The following CDH18 variants were observed in gnomAD, a reference collection of about 807,000 sequenced individuals.
CDH18 encodes the protein cadherin 18, also known as cadherin-18.
A neutral mutation model predicts 67.9 loss-of-function variants in CDH18; 31 were observed. That is an observed-to-expected ratio of 0.46 (90% CI 0.34 to 0.62). CDH18 has a LOEUF of 0.62. Among genes scored for constraint, CDH18 ranks in the 20% least tolerant of loss-of-function variants. The probability of loss-of-function intolerance (pLI) is 0.01; values close to 1 mark genes in which losing one functional copy is unlikely to be tolerated. For synonymous variants in CDH18, 362 were observed against 347.2 expected (o/e 1.04, Z -0.48); for missense variants, 890 against 975.5 (o/e 0.91, Z 1.17).
chr5:19,603,135 C>G (rs1372237187), intron 6 of CDH18, among the ~76,000 whole-genome samples: 1 of 152,074 alleles, frequency 6.6e-6, no homozygotes, highest in Non-Finnish European at 1.5e-5. Flanking sequence ...AACAGAGGAA[C>G]TGATAAAATG....
chr5:20,040,163 C>T (rs114608370), intron 2 of CDH18, among the ~76,000 whole-genome samples: 1,745 of 152,138 alleles, frequency 0.011, 38 homozygotes, highest in African/African-American at 0.04. Context: ...CTGTCTCATG[C>T]TAGTTAGAAT....
intron 5 of CDH18, among the ~76,000 whole-genome samples, chr5:19,692,027 A>T (rs1761955791): frequency 6.6e-6 from 1 of 152,054 alleles, no homozygotes; most frequent in African/African-American, 2.4e-5. Context: ...TGGTATAAAA[A>T]CAGGCACGTA....
chr5:20,200,160 T>C (rs902941303), intron 2 of CDH18, among the ~76,000 whole-genome samples: 1 of 152,186 alleles, frequency 6.6e-6, no homozygotes, highest in Non-Finnish European at 1.5e-5. Context: ...TTGAATTTAG[T>C]TAGGGAAACA....
chr5:19,682,619 GTCTC>G (rs1760497099), intron 5 of CDH18, among the ~76,000 whole-genome samples: 2 of 151,954 alleles, frequency 1.3e-5, no homozygotes, highest in Admixed American at 1.3e-4. Context: ...AGTGTAACTG[GTCTC>G]TCTTTCACTC....
At chr5:19,937,022 A>T (rs1211426677) in intron 2 of CDH18, among the ~76,000 whole-genome samples, 3 of 151,338 alleles carry the variant, frequency 2.0e-5, no homozygotes, top group Non-Finnish European at 4.4e-5. Flanking sequence ...ATGTACACTC[A>T]TATGTTACTA....
intron 5 of CDH18, among the ~76,000 whole-genome samples, chr5:19,718,663 A>T (rs1197586998): frequency 6.6e-6 from 1 of 151,934 alleles, no homozygotes; most frequent in Non-Finnish European, 1.5e-5. Context: ...ATCTTTAAAA[A>T]CACTTTTGTT....
At chr5:19,780,638 C>G (rs903077644) in intron 3 of CDH18, among the ~76,000 whole-genome samples, 12 of 152,042 alleles carry the variant, frequency 7.9e-5, no homozygotes, top group African/African-American at 2.9e-4. Flanking sequence ...CATGTTGATT[C>G]TTTTTTCATT....
intron 1 of CDH18, among the ~76,000 whole-genome samples, chr5:20,499,841 G>T (rs1229810392): frequency 6.6e-6 from 1 of 152,106 alleles, no homozygotes; most frequent in African/African-American, 2.4e-5. Flanking sequence ...ATTTAAATTT[G>T]CTGTATACTG....
intron 1 of CDH18, among the ~76,000 whole-genome samples, chr5:19,984,384 TATG>T (rs1799359706): frequency 6.6e-6 from 1 of 152,062 alleles, no homozygotes; most frequent in Non-Finnish European, 1.5e-5. Context: ...ATGTGGATAA[TATG>T]AGGAAGGATG....
At chr5:20,269,170 A>G (rs1193519173) in intron 1 of CDH18, among the ~76,000 whole-genome samples, 1 of 152,000 alleles carries the variant, frequency 6.6e-6, no homozygotes, top group African/African-American at 2.4e-5. Context: ...GCAAGTCAAA[A>G]CCACAATGAG....
chr5:20,406,592 G>T (rs958497426), intron 1 of CDH18, among the ~76,000 whole-genome samples: 1 of 151,480 alleles, frequency 6.6e-6, no homozygotes, highest in African/African-American at 2.4e-5. Flanking sequence ...AAAAAGTCCT[G>T]TAGAAAATGA....
At chr5:19,612,373 T>C (rs549695874) in intron 6 of CDH18, 61 bp downstream of exon 6, 1 of 1,521,752 alleles carries the variant, frequency 6.6e-7, no homozygotes, top group East Asian at 2.3e-5. Context: ...GTTCAAGTAT[T>C]TCATTTTACT....
chr5:19,622,809 CA>C (rs1750919874), intron 5 of CDH18, among the ~76,000 whole-genome samples: 1 of 152,140 alleles, frequency 6.6e-6, no homozygotes. Flanking sequence ...TGAACCTCCA[CA>C]CAAGTTGATA....
Position 19,503,114 on chromosome 5 carries a change from A to C in CDH18, c.1513-5T>G. 7.1e-7 allele frequency: 1 copy of C among 1,417,588 alleles called. No homozygotes were observed. Among genetic ancestry groups the C allele is most frequent in the South Asian group, 1.2e-5 (1 of 86,160 alleles). The allele number at this position is 1,417,588 out of a possible 1,614,324, so 87.8% of individuals were successfully genotyped here. On this transcript the variant is annotated splice_region_variant and splice_polypyrimidine_tract_variant and intron_variant, in intron 10 of 12. Transcript: ENST00000382275. ...GGCACTGATGGTATGAATAACCTAA[A>C]GAAAAGACAAACTCTAAATCGTAAA...
At chr5:19,659,213 TAAC>T (rs1259206917) in intron 5 of CDH18, among the ~76,000 whole-genome samples, 5 of 152,106 alleles carry the variant, frequency 3.3e-5, no homozygotes, top group African/African-American at 1.2e-4. Context: ...AATTAAATAA[TAAC>T]TGCCACCACC....
In CDH18 at chr5:19,544,536, T is replaced by C. The variant is rs138768791; in HGVS notation, c.1254-531A>G. Among the ~76,000 whole-genome samples, 219 of 149,708 alleles carry C rather than the reference T, an allele frequency of 1.5e-3. 1 individual carries two copies. Among genetic ancestry groups the C allele is most frequent in the African/African-American group, 5.4e-3 (213 of 39,584 alleles). ...ACTAAACCCTTGTTTAGTCAAAGAATGAGATAAAAAAATAAATAAAGATAG... is the reference window on the plus strand; with the variant it reads ...ACTAAACCCTTGTTTAGTCAAAGAACGAGATAAAAAAATAAATAAAGATAG... On this transcript the variant is annotated intron_variant, in intron 8 of 12. Transcript: ENST00000382275.
At chr5:20,325,902 T>C (rs1312711096) in intron 1 of CDH18, among the ~76,000 whole-genome samples, 1 of 152,166 alleles carries the variant, frequency 6.6e-6, no homozygotes, top group African/African-American at 2.4e-5. Context: ...TTCAGCATTG[T>C]GAAAAATGAG....
chr5:19,935,744 A>C (rs1234164720), intron 2 of CDH18, among the ~76,000 whole-genome samples: 1 of 147,804 alleles, frequency 6.8e-6, no homozygotes, highest in Non-Finnish European at 1.5e-5. Context: ...AAAGAATCTT[A>C]ATGTATTGGT....
intron 2 of CDH18, among the ~76,000 whole-genome samples, chr5:20,125,930 T>C (rs1052639924): frequency 2.0e-5 from 3 of 152,142 alleles, no homozygotes; most frequent in Admixed American, 2.0e-4. Context: ...TTCAATATCC[T>C]AATGGAATTT....
Sources: allele counts gnomAD v4.1 joint callset (sites outside exome capture counted in the v4.1 genomes callset), GRCh38; gene constraint gnomAD v4.1.1; transcripts MANE v1.5; gene names NCBI Gene and HGNC (gene_info 2026-07-23, HGNC 2026-07-21).